The following ARHGAP32 variants were observed in gnomAD, a reference collection of about 807,000 sequenced individuals.
The protein encoded by ARHGAP32 is Rho GTPase activating protein 32, also known as rho GTPase-activating protein 32.
ARHGAP32 carries 51 observed loss-of-function variants against 186.5 expected under a neutral mutation model. That is an observed-to-expected ratio of 0.27 (90% confidence interval 0.22 to 0.35). The LOEUF is 0.35. ARHGAP32 is among the 10% of genes least tolerant of loss of function. ARHGAP32 has a pLI of 1.00. For synonymous variants in ARHGAP32, 950 were observed against 964.3 expected, an observed-to-expected ratio of 0.99 and a Z score of 0.27; for missense variants, 2,186 against 2,623.5, an observed-to-expected ratio of 0.83 and a Z score of 3.64.
At chr11:129,215,382 A>G (rs1944632617) in intron 1 of ARHGAP32, among the ~76,000 whole-genome samples, 1 of 152,170 alleles carries the variant, frequency 6.6e-6, no homozygotes, top group Admixed American at 6.5e-5. Flanking sequence ...TGCTTTGATC[A>G]TGGTATTAGT....
At chr11:128,989,213 C>A (rs139559958) in intron 12 of ARHGAP32, among the ~76,000 whole-genome samples, 1 of 151,774 alleles carries the variant, frequency 6.6e-6, no homozygotes, top group East Asian at 1.9e-4. Context: ...CTGTCAGATC[C>A]TATAACAACA....
chr11:129,251,962 A>C (rs1360141703), intron 1 of ARHGAP32, among the ~76,000 whole-genome samples: 3 of 151,738 alleles, frequency 2.0e-5, no homozygotes, highest in Admixed American at 2.0e-4. Context: ...CCATTACCAC[A>C]AATAAGCCAG....
At position 128,969,536 on chromosome 11, in the gene ARHGAP32, C is replaced by T. The variant is rs763161223; in HGVS notation, c.5677G>A (p.Ala1893Thr). Residue 1893 changes from alanine to threonine, a missense_variant, in exon 23 of 23, where the codon GCA becomes ACA. This residue lies in a region of ARHGAP32 where 1,502 missense variants were observed against 1,570.0 expected (regional missense o/e 0.96). Transcript: ENST00000682385. The surrounding 1 kb of genome is among the most constrained non-coding windows in gnomAD (Gnocchi z 4.8). ...TGCCTATGGCTTGCTTCTTGGTGTG[C>T]CCTGTGCTCAGGAAGACTGCAGCCC... ...DMGCSLPEHRAHQEASHRQFC... is the reference protein window; with the variant it reads ...DMGCSLPEHRTHQEASHRQFC... 6 of 1,614,164 alleles carry T rather than the reference C, an allele frequency of 3.7e-6. No homozygotes were observed. Among genetic ancestry groups the T allele is most frequent in the Admixed American group, 1.7e-5 (1 of 60,032 alleles).
chr11:129,204,439 G>A (rs11221605), intron 1 of ARHGAP32, among the ~76,000 whole-genome samples: 23,185 of 152,072 alleles, frequency 0.15, 2,144 homozygotes, highest in African/African-American at 0.26. Flanking sequence ...AGAAAAAAAA[G>A]TTGTACTAAG....
intron 5 of ARHGAP32, among the ~76,000 whole-genome samples, chr11:129,102,661 A>G (rs1468066706): frequency 6.6e-6 from 1 of 152,210 alleles, no homozygotes; most frequent in Non-Finnish European, 1.5e-5. Context: ...CTACAATGAG[A>G]TACCACTTCA....
chr11:129,089,295 G>A (rs1941506408), intron 6 of ARHGAP32, among the ~76,000 whole-genome samples: 1 of 152,176 alleles, frequency 6.6e-6, no homozygotes, highest in African/African-American at 2.4e-5. Context: ...TGTTTCTAGT[G>A]AGGAAAACAA....
rs182835294 is a variant in ARHGAP32, at chr11:129,277,798, C to T, written c.-5+1348G>A. The stretch of plus-strand genomic sequence containing the variant: ...CCTAATGCCTCATCTTCACAAACAG[C>T]CCCATTAAAAAGAAAACACAACATT... On this transcript the variant is annotated intron_variant, in intron 1 of 6. Coordinates refer to the ARHGAP32 transcript ENST00000525234. Among the ~76,000 whole-genome samples the T allele has an allele frequency of 2.0e-3, 310 of 152,260 alleles. 1 individual carries two copies. The highest frequency in any genetic ancestry group is 6.8e-3 in the Middle Eastern group (2 of 294).
intron 21 of ARHGAP32, 118 bp from the exon 22 acceptor site, chr11:128,973,550 T>A: frequency 1.8e-6 from 2 of 1,089,514 alleles, no homozygotes; most frequent in Non-Finnish European, 2.6e-6. Context: ...TATTTCAAAA[T>A]GGCAATCCAT....
At chr11:128,999,685 C>T (rs1013883815) in intron 11 of ARHGAP32, among the ~76,000 whole-genome samples, 1 of 152,146 alleles carries the variant, frequency 6.6e-6, no homozygotes, top group African/African-American at 2.4e-5. Context: ...CTTAGACCAG[C>T]CGACACTTTG....
chr11:129,198,588 G>A lies in ARHGAP32; in HGVS notation c.-4-34161C>T, dbSNP rs140007265. ...CTCTTTGCTGGCTGCCATGTAAGAT[G>A]TCCCTTTGGTCTTCCTTCATCTTCT... On this transcript the variant is annotated intron_variant, in intron 1 of 6. Coordinates refer to the ARHGAP32 transcript ENST00000525234. 5.9e-5 allele frequency among the ~76,000 whole-genome samples: 9 copies of A among 151,974 alleles called. No homozygotes were observed. The East Asian group carries it at 1.8e-3, about 30-fold the overall frequency.
At chr11:129,117,092 T>C (rs1385229304) in intron 5 of ARHGAP32, among the ~76,000 whole-genome samples, 2 of 152,034 alleles carry the variant, frequency 1.3e-5, no homozygotes, top group Non-Finnish European at 2.9e-5. Context: ...ACATTAAAGA[T>C]GCGAGATACT....
chr11:129,024,718 C>T (rs1290923739), intron 11 of ARHGAP32, among the ~76,000 whole-genome samples: 2 of 152,206 alleles, frequency 1.3e-5, no homozygotes, highest in Non-Finnish European at 2.9e-5. Context: ...CTCCTTCATA[C>T]ACTACACAGA....
At chr11:129,203,019 C>T (rs1287752906) in intron 1 of ARHGAP32, 1 of 152,218 alleles carries the variant, frequency 6.6e-6, no homozygotes, top group Non-Finnish European at 1.5e-5. Context: ...GAGATTAGCA[C>T]CGCCCCTGCG....
intron 1 of ARHGAP32, among the ~76,000 whole-genome samples, chr11:129,242,830 G>T (rs1327921221): frequency 6.6e-6 from 1 of 151,656 alleles, no homozygotes; most frequent in African/African-American, 2.4e-5. Context: ...TGTACCAAAA[G>T]ATTTTTTAAA....
chr11:129,229,328 G>A (rs1282881738), intron 1 of ARHGAP32, among the ~76,000 whole-genome samples: 1 of 151,730 alleles, frequency 6.6e-6, no homozygotes, highest in East Asian at 1.9e-4. Context: ...TTAAGGCAGA[G>A]GTCACATGTA....
rs80059113 is a variant in ARHGAP32 at position 129,137,350 on chromosome 11, G to A, written c.226-12456C>T. On this transcript the variant is annotated intron_variant, in intron 2 of 22. Transcript: ENST00000682385. ...TTTGTAGTTCAGATTTTGGGGTCAT[G>A]TAAGTGTTATAAGTATTTGTAAAAT... 4.0e-3 allele frequency among the ~76,000 whole-genome samples: 606 copies of A among 151,940 alleles called. 1 individual carries two copies. Among genetic ancestry groups the A allele is most frequent in the Middle Eastern group, 0.01 (3 of 294 alleles).
chr11:129,042,136 A>T (rs1236856189), intron 10 of ARHGAP32, among the ~76,000 whole-genome samples: 1 of 152,176 alleles, frequency 6.6e-6, no homozygotes, highest in Non-Finnish European at 1.5e-5. Flanking sequence ...AAGGGGTATT[A>T]ACAGATTATC....
At chr11:129,019,739 A>C (rs1331900850) in intron 11 of ARHGAP32, among the ~76,000 whole-genome samples, 4 of 152,132 alleles carry the variant, frequency 2.6e-5, no homozygotes, top group Admixed American at 2.6e-4. Flanking sequence ...TAGCAATCCT[A>C]TTTGAAGATT....
At chr11:128,996,169 G>A (rs76237318) in intron 12 of ARHGAP32, among the ~76,000 whole-genome samples, 6,497 of 152,020 alleles carry the variant, frequency 0.043, 203 homozygotes, top group Non-Finnish European at 0.064. Context: ...TTTCAAAATC[G>A]CCTAAAGATA....
Sources: allele counts gnomAD v4.1 joint callset (sites outside exome capture counted in the v4.1 genomes callset), GRCh38; gene constraint gnomAD v4.1.1; regional missense constraint gnomAD v4.1.1; non-coding constraint Gnocchi (gnomAD v3.1); transcripts MANE v1.5; gene names NCBI Gene and HGNC (gene_info 2026-07-23, HGNC 2026-07-21).